MCF2L: variants seen among roughly 807,000 people sequenced by gnomAD.
MCF2L encodes MCF.2 cell line derived transforming sequence like.
Under a neutral mutation model 153.4 loss-of-function variants are expected in MCF2L, and 97 were observed. The ratio of observed to expected loss-of-function variants is 0.63; its 90% CI spans 0.54 to 0.75. The LOEUF is 0.75. MCF2L is among the 30% of genes least tolerant of loss of function. The pLI is 0.00. For missense variants in MCF2L, 1,347 were observed against 1,495.2 expected, an observed-to-expected ratio of 0.90 and a Z score of 1.64; for synonymous variants, 659 against 632.2, an observed-to-expected ratio of 1.04 and a Z score of -0.64.
chr13:113,089,715 C>T lies in MCF2L; in HGVS notation c.2940C>T (p.Pro980=), dbSNP rs202200419. 3.8e-5 allele frequency: 61 copies of T among 1,613,710 alleles called. No individual in the cohort carries two copies. The Middle Eastern group carries it at 5.0e-4, about 13-fold the overall frequency. ...YVSSAPLTKP[P]EKGKGWSKTS... ...GCTCAGCGCCACTGACAAAGCCCCCCGAAAAGGGCAAAGGTGGGTATGTGC... is the reference window on the plus strand; with the variant it reads ...GCTCAGCGCCACTGACAAAGCCCCCTGAAAAGGGCAAAGGTGGGTATGTGC... Residue 980 remains proline, a synonymous_variant, in exon 26 of 30, where the codon CCC becomes CCT. Transcript: ENST00000535094.
At chr13:113,083,012 TC>T (rs1240443895) in intron 17 of MCF2L, among the ~76,000 whole-genome samples, 6 of 152,136 alleles carry the variant, frequency 3.9e-5, no homozygotes, top group Admixed American at 3.9e-4. Context: ...TCCTTACCCA[TC>T]ATGGGGGCTG....
chr13:112,917,068 T>C (rs1396029247), intron 2 of MCF2L: 1 of 471,240 alleles, frequency 2.1e-6, no homozygotes, highest in Non-Finnish European at 4.4e-6. Flanking sequence ...AAAGGTGCTG[T>C]CGTTTCTCCT....
intron 1 of MCF2L, among the ~76,000 whole-genome samples, chr13:112,896,880 G>A (rs919117811): frequency 6.6e-6 from 1 of 152,202 alleles, no homozygotes; most frequent in Non-Finnish European, 1.5e-5. Flanking sequence ...AGGGCCCTGC[G>A]TCTTCGGCAG....
At chr13:113,014,089 C>G (rs1249583696) in intron 1 of MCF2L, among the ~76,000 whole-genome samples, 1 of 152,210 alleles carries the variant, frequency 6.6e-6, no homozygotes, top group Non-Finnish European at 1.5e-5. Flanking sequence ...CCAGCTGGTA[C>G]TGGCCCCATG....
intron 2 of MCF2L, among the ~76,000 whole-genome samples, chr13:113,020,646 G>A (rs1045289581): frequency 1.3e-5 from 2 of 152,150 alleles, no homozygotes; most frequent in Admixed American, 6.5e-5. Flanking sequence ...TCCCATTCAC[G>A]GGAGCCCCAC....
At chr13:112,903,706 G>A (rs932345809) in intron 2 of MCF2L, among the ~76,000 whole-genome samples, 1 of 152,240 alleles carries the variant, frequency 6.6e-6, no homozygotes, top group African/African-American at 2.4e-5. Flanking sequence ...TCCCTTGTCA[G>A]TGACTGTCAC....
intron 2 of MCF2L, among the ~76,000 whole-genome samples, chr13:112,961,629 G>A (rs2081827453): frequency 6.6e-6 from 1 of 152,252 alleles, no homozygotes; most frequent in Non-Finnish European, 1.5e-5. Context: ...GCCTGGCCGG[G>A]ACCTGCAGCC....
At position 113,074,612 on chromosome 13, in the gene MCF2L, T is replaced by C. The variant is rs1175016208; in HGVS notation, c.1116+49T>C. 1 of 1,603,352 alleles carries C rather than the reference T, an allele frequency of 6.2e-7. No homozygotes were observed. The highest frequency in any genetic ancestry group is 2.2e-5 in the East Asian group (1 of 44,554). On this transcript the variant is annotated intron_variant, in intron 10 of 29. Transcript: ENST00000535094. The surrounding 1 kb of genome is among the most constrained non-coding windows in gnomAD (Gnocchi z 4.2). ...CGGCGGGAGAGTGTGGGCAGCATCA[T>C]CAAGTGCTGCTCAGGAAGGCGCAGG...
At chr13:112,952,982 G>C (rs2081711905) in intron 2 of MCF2L, among the ~76,000 whole-genome samples, 1 of 152,204 alleles carries the variant, frequency 6.6e-6, no homozygotes, top group Non-Finnish European at 1.5e-5. Context: ...TGTTTACACG[G>C]GGGGCAGTTG....
At position 113,089,780 on chromosome 13, in the gene MCF2L, T is replaced by C. The variant is rs112514283; in HGVS notation, c.2953+52T>C. ...ACACGGAGGCCTCACACGGAGCTGC[T>C]CACGGAGTGCTCACTGCATCCGAGA... On this transcript the variant is annotated intron_variant, in intron 26 of 29. Transcript: ENST00000535094. The C allele has an allele frequency of 3.5e-4, 559 of 1,598,214 alleles. 3 individuals are homozygous for C. The African/African-American group carries it at 6.4e-3, about 18-fold the overall frequency.
rs190444195 is a variant in MCF2L at position 113,044,975 on chromosome 13, A to G, written c.279-296A>G. 1,620 of 1,513,204 alleles carry G rather than the reference A, an allele frequency of 1.1e-3. 10 individuals carry two copies. The Admixed American group carries it at 0.017, about 16-fold the overall frequency. The allele number at this position is 1,513,204 out of a possible 1,614,324, so 93.7% of individuals were successfully genotyped here. On this transcript the variant is annotated intron_variant, in intron 3 of 29. Coordinates refer to ENST00000535094, the MANE Select transcript of MCF2L (RefSeq NM_001112732.3). The stretch of plus-strand genomic sequence containing the variant: ...ACTCGGCTCTTACTGTGGAATAGCA[A>G]ATGACTGAGCTCGGGAGAGATGGTT...
At chr13:112,902,269 C>A in exon 2 of MCF2L, 1 of 1,612,766 alleles carries the variant, frequency 6.2e-7, no homozygotes, top group Non-Finnish European at 8.5e-7. Context: ...TTCCCCACAA[C>A]GGCCCAATGA....
In MCF2L at chr13:113,064,896, A is replaced by G; in HGVS notation, c.607-40A>G. ...TTTCAGGGCAGCAGGAGGTGGGTGC[A>G]GTGCACAAGGCATGCAATTGTGTTT... is the stretch of plus-strand genomic sequence containing the variant. On this transcript the variant is annotated intron_variant, in intron 6 of 29. Transcript: ENST00000535094. The surrounding 1 kb of genome is among the most constrained non-coding windows in gnomAD (Gnocchi z 6.0). The G allele has an allele frequency of 3.8e-6, 6 of 1,585,666 alleles. No homozygotes were observed. The highest frequency in any genetic ancestry group is 5.2e-6 in the Non-Finnish European group (6 of 1,164,024).
In MCF2L at chr13:113,064,337, G is replaced by C; in HGVS notation, c.523G>C (p.Gly175Arg). The C allele has an allele frequency of 2.5e-6, 4 of 1,612,960 alleles. No homozygotes were observed. The highest frequency in any genetic ancestry group is 3.4e-6 in the Non-Finnish European group (4 of 1,179,872). Residue 175 changes from glycine to arginine, a missense_variant, in exon 6 of 30, where the codon GGT (glycine) becomes CGT (arginine). By Grantham distance (125) the Gly-to-Arg change is moderately radical (BLOSUM62 -2). Transcript: ENST00000535094. This position sits in a 1 kb window ranked among gnomAD's most constrained non-coding sequence, Gnocchi z 6.0. ...IMLSSVPDLHGYIDKSQLTED... is the reference protein window; with the variant it reads ...IMLSSVPDLHRYIDKSQLTED... The stretch of plus-strand genomic sequence containing the variant: ...GCTGAGCTCCGTACCAGACTTACAC[G>C]GTTACATCGATAAGTCGCAGCTGAC...
intron 1 of MCF2L, among the ~76,000 whole-genome samples, chr13:113,010,810 G>A (rs1054342083): frequency 6.6e-6 from 1 of 152,188 alleles, no homozygotes; most frequent in Non-Finnish European, 1.5e-5. Context: ...TGGCACATAC[G>A]GGTCAGGGGC....
chr13:112,910,258 A>G (rs556145765), intron 2 of MCF2L: 1 of 152,384 alleles, frequency 6.6e-6, no homozygotes, highest in Admixed American at 6.5e-5. Context: ...ATATACTGGA[A>G]AACAACTGAT....
rs375646135 is a variant in MCF2L at position 113,078,368 on chromosome 13, C to T, written c.1666C>T (p.Arg556Trp). Residue 556 changes from arginine to tryptophan, a missense_variant, in exon 14 of 30, where the codon CGG becomes TGG. Arg to Trp is a moderately radical substitution (Grantham distance 101, BLOSUM62 -3). Coordinates refer to ENST00000535094, the MANE Select transcript of MCF2L (RefSeq NM_001112732.3). Reference sequence around the variant, plus strand: ...GCTCCCCTTCTTCCCAACAGGCATTCGGCGAGGCTCTGAGAACTCCAGCTC... The same window carrying T: ...GCTCCCCTTCTTCCCAACAGGCATTTGGCGAGGCTCTGAGAACTCCAGCTC... ...AKSPCPSPGI[R>W]RGSENSSSEG... 18 of 1,613,062 alleles carry T rather than the reference C, an allele frequency of 1.1e-5. No homozygotes were observed. Among genetic ancestry groups the T allele is most frequent in the East Asian group, 4.5e-5 (2 of 44,876 alleles).
chr13:113,084,886 G>A lies in MCF2L; in HGVS notation c.2062-6G>A, dbSNP rs1345712250. Reference sequence around the variant, plus strand: ...TGCGTGATGCGGTGCCTGTCCCTCGGTGCAGATGGAAGATTTCCAGATCTA... The same window carrying A: ...TGCGTGATGCGGTGCCTGTCCCTCGATGCAGATGGAAGATTTCCAGATCTA... On this transcript the variant is annotated splice_polypyrimidine_tract_variant and splice_region_variant and intron_variant, in intron 18 of 29. Coordinates refer to ENST00000535094, the MANE Select transcript of MCF2L (RefSeq NM_001112732.3). 6.2e-7 allele frequency: 1 copy of A among 1,611,656 alleles called. No individual in the cohort carries two copies. The highest frequency in any genetic ancestry group is 1.1e-5 in the South Asian group (1 of 91,034).
chr13:113,060,611 C>A lies in MCF2L; in HGVS notation c.388C>A (p.Leu130Met), dbSNP rs752100720. The change falls in exon 5 of 30, where the codon CTG becomes ATG. Residue 130 changes from leucine to methionine, a missense_variant. Around this residue, in one of 3 missense-constraint regions of MCF2L, gnomAD observed 820 missense variants for 921.2 expected, o/e 0.89. Coordinates refer to ENST00000535094, the MANE Select transcript of MCF2L (RefSeq NM_001112732.3). ...CTCACAGGCATCTTTCCCGGCAAAC[C>A]TGCAGCTCGTCCTCGTGCTTCGCCC... ...LRIAASFPAN[L>M]QLVLVLRPTG... is the part of the protein sequence containing the mutation. 1 of 1,613,408 alleles carries A rather than the reference C, an allele frequency of 6.2e-7. No individual in the cohort carries two copies. The highest frequency in any genetic ancestry group is 8.5e-7 in the Non-Finnish European group (1 of 1,179,972).
Sources: allele counts gnomAD v4.1 joint callset (sites outside exome capture counted in the v4.1 genomes callset), GRCh38; gene constraint gnomAD v4.1.1; regional missense constraint gnomAD v4.1.1; non-coding constraint Gnocchi (gnomAD v3.1); transcripts MANE v1.5; gene names NCBI Gene and HGNC (gene_info 2026-07-23, HGNC 2026-07-21).